The following TNIP3 variants were observed in gnomAD, a reference collection of about 807,000 sequenced individuals.
TNIP3 encodes TNFAIP3 interacting protein 3, also known as TNFAIP3-interacting protein 3.
TNIP3 carries 34 observed loss-of-function variants against 54.1 expected under a neutral mutation model. That is an observed-to-expected ratio of 0.63 (90% CI 0.48 to 0.84). The LOEUF is 0.84. Among genes scored for constraint, TNIP3 ranks in the 40% least tolerant of loss-of-function variants. The pLI, the probability that TNIP3 is intolerant of heterozygous loss-of-function variation, is 0.00. For missense variants in TNIP3, 366 were observed against 387.6 expected, an observed-to-expected ratio of 0.94 and a Z score of 0.47; for synonymous variants, 134 against 136.8, an observed-to-expected ratio of 0.98 and a Z score of 0.14.
chr4:121,159,226 G>C (rs745899621), intron 2 of TNIP3, among the ~76,000 whole-genome samples: 1 of 152,038 alleles, frequency 6.6e-6, no homozygotes, highest in Non-Finnish European at 1.5e-5. Flanking sequence ...CTGGGCGACA[G>C]AGTGAGACTC....
intron 1 of TNIP3, among the ~76,000 whole-genome samples, chr4:121,163,633 A>G (rs1730590604): frequency 6.6e-6 from 1 of 152,242 alleles, no homozygotes; most frequent in Non-Finnish European, 1.5e-5. Context: ...AAAGAAAACT[A>G]GAAAATATTT....
exon 3 of TNIP3, chr4:121,182,774 T>C: frequency 6.5e-7 from 1 of 1,534,200 alleles, no homozygotes; most frequent in Non-Finnish European, 8.7e-7. Flanking sequence ...TGGATTTTTT[T>C]GTCCAGCTCC....
intron 2 of TNIP3, among the ~76,000 whole-genome samples, chr4:121,205,715 A>T: frequency 6.6e-6 from 1 of 152,118 alleles, no homozygotes. Flanking sequence ...AAAGGGAAAG[A>T]GAGAAAAAGC....
At chr4:121,161,028 A>G in intron 2 of TNIP3, 108 bp downstream of exon 2, 1 of 879,312 alleles carries the variant, frequency 1.1e-6, no homozygotes, top group African/African-American at 1.7e-5. Context: ...TCTTAAAGAT[A>G]AATACTGTGA....
intron 2 of TNIP3, among the ~76,000 whole-genome samples, chr4:121,195,699 T>C (rs1199496152): frequency 1.3e-5 from 2 of 152,258 alleles, no homozygotes; most frequent in Non-Finnish European, 2.9e-5. Flanking sequence ...GTATTTGTAG[T>C]AATGCAGCTA....
Position 121,158,760 on chromosome 4 carries a change from C to T in TNIP3, c.148-8G>A. ...CTGGTTAACTTCCAGGAGCTGAAAT[C>T]ATTAAAATTTGGTGAATCAACAAAG... On this transcript the variant is annotated splice_region_variant and splice_polypyrimidine_tract_variant and intron_variant, in intron 2 of 10. Coordinates refer to ENST00000057513, the MANE Select transcript of TNIP3 (RefSeq NM_024873.6). 1 of 1,604,424 alleles carries T rather than the reference C, an allele frequency of 6.2e-7. No homozygotes were observed. Among genetic ancestry groups the T allele is most frequent in the Non-Finnish European group, 8.5e-7 (1 of 1,177,506 alleles).
At chr4:121,146,276 G>A (rs1439114117) in intron 7 of TNIP3, among the ~76,000 whole-genome samples, 2 of 152,212 alleles carry the variant, frequency 1.3e-5, no homozygotes, top group African/African-American at 4.8e-5. Flanking sequence ...AGAAAATGAT[G>A]ACTGTTTTAA....
chr4:121,155,032 A>G (rs1730002996), intron 4 of TNIP3, among the ~76,000 whole-genome samples: 1 of 150,746 alleles, frequency 6.6e-6, no homozygotes, highest in South Asian at 2.1e-4. Context: ...GTGTGATCTC[A>G]GCTCACTGCA....
chr4:121,154,223 G>A (rs2148809485), intron 5 of TNIP3: 1 of 301,432 alleles, frequency 3.3e-6, no homozygotes, highest in Non-Finnish European at 6.2e-6. Flanking sequence ...TTTTGCGGTT[G>A]ACCAAGAGAT....
chr4:121,145,318 C>T (rs984814115), intron 7 of TNIP3, among the ~76,000 whole-genome samples: 1 of 152,102 alleles, frequency 6.6e-6, no homozygotes, highest in Non-Finnish European at 1.5e-5. Flanking sequence ...ATTGAGCTTT[C>T]ATTATTTTAA....
At chr4:121,219,355 T>A (rs1726937667), upstream of TNIP3, among the ~76,000 whole-genome samples, 1 of 152,218 alleles carries the variant, frequency 6.6e-6, no homozygotes, top group Admixed American at 6.5e-5. Flanking sequence ...TCCTCTTTTT[T>A]AAGGAATTCC....
At chr4:121,209,968 T>C (rs1726394094) in intron 2 of TNIP3, among the ~76,000 whole-genome samples, 1 of 152,146 alleles carries the variant, frequency 6.6e-6, no homozygotes, top group African/African-American at 2.4e-5. Flanking sequence ...AAAGAGAAAA[T>C]TATTAAAATT....
At position 121,178,183 on chromosome 4, in the gene TNIP3, C is replaced by A. The variant is rs139628466; in HGVS notation, c.189+4493G>T. Among the ~76,000 whole-genome samples, 548 of 152,248 alleles carry A rather than the reference C, an allele frequency of 3.6e-3. 1 individual carries two copies. Among genetic ancestry groups the A allele is most frequent in the African/African-American group, 0.013 (524 of 41,534 alleles). On this transcript the variant is annotated intron_variant, in intron 3 of 12. Coordinates refer to the TNIP3 transcript ENST00000507879. ...TCATTAGACATATTTGAGTTTAGGT[C>A]CAGAATCTAAATCCCATTAGCTGTA...
intron 2 of TNIP3, among the ~76,000 whole-genome samples, chr4:121,198,511 G>A (rs1211865504): frequency 2.6e-5 from 4 of 152,326 alleles, no homozygotes; most frequent in Middle Eastern, 3.4e-3. Context: ...TGGGCCAGAT[G>A]CATTTCTTAG....
At position 121,190,323 on chromosome 4, in the gene TNIP3, AT is replaced by A. The variant is rs551305257; in HGVS notation, c.69-7528del. On this transcript the variant is annotated intron_variant, in intron 2 of 12. Coordinates refer to the TNIP3 transcript ENST00000507879. ...ACAGGTTTAGCCTGCTAATCATTGTATTTTTCAGAGCCTCACAGAGCCTCAT... is the reference window on the plus strand; with the variant it reads ...ACAGGTTTAGCCTGCTAATCATTGTATTTTCAGAGCCTCACAGAGCCTCAT... Among the ~76,000 whole-genome samples, 427 of 152,230 alleles carry A rather than the reference AT, an allele frequency of 2.8e-3. 5 individuals are homozygous for A. The highest frequency in any genetic ancestry group is 9.7e-3 in the African/African-American group (402 of 41,540).
chr4:121,198,007 G>GTT (rs1725693145), intron 2 of TNIP3, among the ~76,000 whole-genome samples: 2 of 152,184 alleles, frequency 1.3e-5, no homozygotes, highest in Admixed American at 6.5e-5. Context: ...TAAATATTGA[G>GTT]TAACTATGAA....
chr4:121,138,116 A>T, intron 10 of TNIP3: 1 of 390,208 alleles, frequency 2.6e-6, no homozygotes, highest in Non-Finnish European at 5.1e-6. Context: ...TTTCCCCAGC[A>T]TACTTTGAGG....
chr4:121,140,794 A>C (rs376627206), intron 9 of TNIP3, among the ~76,000 whole-genome samples: 5 of 152,226 alleles, frequency 3.3e-5, no homozygotes, highest in Non-Finnish European at 7.3e-5. Flanking sequence ...GAGGGAGAGC[A>C]GACAGAACTA....
chr4:121,174,661 A>G (rs1724198797), intron 3 of TNIP3, among the ~76,000 whole-genome samples: 2 of 152,012 alleles, frequency 1.3e-5, no homozygotes, highest in Admixed American at 1.3e-4. Flanking sequence ...CAGAATAGCT[A>G]TCTTCCTCAC....
Sources: allele counts gnomAD v4.1 joint callset (sites outside exome capture counted in the v4.1 genomes callset), GRCh38; gene constraint gnomAD v4.1.1; transcripts MANE v1.5; gene names NCBI Gene and HGNC (gene_info 2026-07-23, HGNC 2026-07-21).